The following ZCCHC4 variants were observed in gnomAD, a reference collection of about 807,000 sequenced individuals.
ZCCHC4 encodes the protein rRNA N(6)-adenosine-methyltransferase ZCCHC4.
In ZCCHC4, 54 loss-of-function variants were observed where a neutral mutation model predicts 67.7. The ratio of observed to expected loss-of-function variants is 0.80; its 90% confidence interval spans 0.64 to 1.00. ZCCHC4 has a LOEUF of 1.00. ZCCHC4 is among the 50% of genes least tolerant of loss of function. ZCCHC4 has a pLI of 0.00. For missense variants in ZCCHC4, 609 were observed against 617.0 expected (o/e 0.99, Z 0.14); for synonymous variants, 198 against 213.5 (o/e 0.93, Z 0.63).
chr4:25,347,220 A>G (rs1720066771), intron 6 of ZCCHC4, among the ~76,000 whole-genome samples: 1 of 152,208 alleles, frequency 6.6e-6, no homozygotes, highest in African/African-American at 2.4e-5. Flanking sequence ...ATACCATACT[A>G]TGGTTTTGCT....
chr4:25,334,129 T>G (rs1368594708), intron 5 of ZCCHC4, 141 bp downstream of exon 5: 1 of 493,030 alleles, frequency 2.0e-6, no homozygotes, highest in Non-Finnish European at 3.5e-6. Flanking sequence ...AACTTTTTAG[T>G]CGAATAAATT....
chr4:25,358,084 G>A (rs574636345), intron 8 of ZCCHC4, among the ~76,000 whole-genome samples: 1 of 152,360 alleles, frequency 6.6e-6, no homozygotes, highest in East Asian at 1.9e-4. Context: ...GGAGACTGAA[G>A]TAAGAAGCTA....
At chr4:25,354,059 C>A (rs1332434934) in intron 8 of ZCCHC4, among the ~76,000 whole-genome samples, 1 of 152,096 alleles carries the variant, frequency 6.6e-6, no homozygotes, top group Non-Finnish European at 1.5e-5. Flanking sequence ...ACTTTTGCAC[C>A]AACCTAATAA....
At chr4:25,358,569 A>C (rs935525242) in intron 8 of ZCCHC4, among the ~76,000 whole-genome samples, 1 of 152,362 alleles carries the variant, frequency 6.6e-6, no homozygotes, top group African/African-American at 2.4e-5. Context: ...TTTTACTGCT[A>C]CAGAAGCTGT....
Position 25,364,502 on chromosome 4 carries a change from C to T in ZCCHC4, c.1258C>T (p.Pro420Ser), listed in dbSNP as rs377288465. Reference sequence around the variant, plus strand: ...CTTTCTCTGTAAAAAGTGTGTAAAGCCTTGTAAGTATTGAGACTTAGTGTT... The same window carrying T: ...CTTTCTCTGTAAAAAGTGTGTAAAGTCTTGTAAGTATTGAGACTTAGTGTT... ...HCFLCKKCVK[P>S]SWIHCSICNH... is the part of the protein sequence containing the mutation. Residue 420 changes from proline (P) to serine (S), a missense_variant, in exon 11 of 13, where the codon CCT becomes TCT. Transcript: ENST00000302874. 1.9e-6 allele frequency: 3 copies of T among 1,557,388 alleles called. No homozygotes were observed. Among genetic ancestry groups the T allele is most frequent in the Non-Finnish European group, 2.6e-6 (3 of 1,158,084 alleles).
At chr4:25,355,422 T>C (rs1448641280) in intron 8 of ZCCHC4, among the ~76,000 whole-genome samples, 2 of 152,328 alleles carry the variant, frequency 1.3e-5, no homozygotes, top group East Asian at 1.9e-4. Flanking sequence ...GTAATGTGAT[T>C]AGTGGTGTCC....
chr4:25,351,905 C>T (rs1228453465), intron 8 of ZCCHC4, among the ~76,000 whole-genome samples: 1 of 152,048 alleles, frequency 6.6e-6, no homozygotes, highest in Non-Finnish European at 1.5e-5. Flanking sequence ...CCCACTAAAT[C>T]AGAATTAGAG....
intron 3 of ZCCHC4, among the ~76,000 whole-genome samples, chr4:25,324,862 G>A (rs1718776532): frequency 2.0e-5 from 3 of 152,112 alleles, no homozygotes; most frequent in African/African-American, 7.2e-5. Flanking sequence ...CAGTTCCTTT[G>A]CTATTTTTGA....
chr4:25,319,444 G>A (rs1185917859), intron 3 of ZCCHC4, among the ~76,000 whole-genome samples: 2 of 152,064 alleles, frequency 1.3e-5, no homozygotes, highest in Admixed American at 6.5e-5. Flanking sequence ...GCGTTAGGGC[G>A]TAACTTGTGG....
intron 8 of ZCCHC4, 141 bp downstream of exon 8, chr4:25,351,830 T>C (rs1481676516): frequency 2.0e-6 from 2 of 979,574 alleles, no homozygotes; most frequent in African/African-American, 3.4e-5. Flanking sequence ...CTCAGTCCAG[T>C]GTTTTCTAAA....
chr4:25,338,053 A>T (rs1253500457), intron 5 of ZCCHC4, among the ~76,000 whole-genome samples: 1 of 152,234 alleles, frequency 6.6e-6, no homozygotes, highest in African/African-American at 2.4e-5. Context: ...TTTAAAAAGT[A>T]GATATATAAC....
intron 5 of ZCCHC4, among the ~76,000 whole-genome samples, chr4:25,335,781 A>G (rs564786563): frequency 1.3e-5 from 2 of 152,258 alleles, no homozygotes; most frequent in Non-Finnish European, 2.9e-5. Context: ...AATGAAGTGT[A>G]GCTTTAATAA....
chr4:25,331,575 G>C (rs927321028), intron 3 of ZCCHC4, among the ~76,000 whole-genome samples: 19 of 152,308 alleles, frequency 1.2e-4, no homozygotes, highest in Admixed American at 1.2e-3. Flanking sequence ...CCAAAGTGCT[G>C]GGATTTCAGG....
At chr4:25,342,065 T>C (rs1054274264) in intron 5 of ZCCHC4, among the ~76,000 whole-genome samples, 3 of 152,216 alleles carry the variant, frequency 2.0e-5, no homozygotes, top group African/African-American at 4.8e-5. Context: ...TGGTGTTTTA[T>C]TGGGGATATC....
chr4:25,318,944 C>T (rs558148812), intron 3 of ZCCHC4, among the ~76,000 whole-genome samples: 22 of 152,186 alleles, frequency 1.4e-4, no homozygotes, highest in Admixed American at 4.6e-4. Context: ...TCCACCTAGT[C>T]ATTCATTCAC....
At chr4:25,346,014 T>G (rs1299732792) in intron 6 of ZCCHC4, among the ~76,000 whole-genome samples, 1 of 152,220 alleles carries the variant, frequency 6.6e-6, no homozygotes, top group Non-Finnish European at 1.5e-5. Context: ...TGGTTTCTGC[T>G]GTCTTTTGCC....
rs899068854 is a variant in ZCCHC4, at chr4:25,359,059, G to A, written c.1012-2800G>A. Among the ~76,000 whole-genome samples the A allele has an allele frequency of 3.3e-5, 5 of 152,234 alleles. No individual in the cohort carries two copies. Among genetic ancestry groups the A allele is most frequent in the African/African-American group, 1.2e-4 (5 of 41,456 alleles). On this transcript the variant is annotated intron_variant, in intron 8 of 12. Coordinates refer to ENST00000302874, the MANE Select transcript of ZCCHC4 (RefSeq NM_024936.3). The surrounding 1 kb of genome is among the most constrained non-coding windows in gnomAD (Gnocchi z 4.9). Reference sequence around the variant, plus strand: ...GGAGAGTGAGCCTTCATTCCCTGGTGATTCTGGGTCAGCCATGTGGCCACA... The same window carrying A: ...GGAGAGTGAGCCTTCATTCCCTGGTAATTCTGGGTCAGCCATGTGGCCACA...
intron 5 of ZCCHC4, among the ~76,000 whole-genome samples, chr4:25,341,953 G>A (rs923233971): frequency 6.6e-6 from 1 of 152,194 alleles, no homozygotes; most frequent in Non-Finnish European, 1.5e-5. Context: ...CAGAGTAGGG[G>A]TTAGGGGATG....
intron 5 of ZCCHC4, among the ~76,000 whole-genome samples, chr4:25,342,335 G>A (rs1364844168): frequency 2.6e-5 from 4 of 152,068 alleles, no homozygotes; most frequent in Admixed American, 6.6e-5. Context: ...TTGGTTTTTT[G>A]GTGCCTTACA....
Sources: allele counts gnomAD v4.1 joint callset (sites outside exome capture counted in the v4.1 genomes callset), GRCh38; gene constraint gnomAD v4.1.1; non-coding constraint Gnocchi (gnomAD v3.1); transcripts MANE v1.5; gene names NCBI Gene and HGNC (gene_info 2026-07-23, HGNC 2026-07-21).